ZNF48: variants seen among roughly 807,000 people sequenced by gnomAD.
The protein encoded by ZNF48 is zinc finger protein 553.
ZNF48 carries 20 observed loss-of-function variants against 40.0 expected under a neutral mutation model. The observed-to-expected ratio is 0.50, with a 90% CI of 0.35 to 0.73. The LOEUF is 0.73. Among genes scored for constraint, ZNF48 ranks in the 30% least tolerant of loss-of-function variants. The pLI is 0.01. For synonymous variants in ZNF48, 298 were observed against 329.7 expected, an observed-to-expected ratio of 0.90 and a Z score of 1.04; for missense variants, 726 against 851.9, an observed-to-expected ratio of 0.85 and a Z score of 1.84.
chr16:30,391,425 T>C (rs1330455882), upstream of ZNF48, among the ~76,000 whole-genome samples: 2 of 151,680 alleles, frequency 1.3e-5, no homozygotes, highest in African/African-American at 4.8e-5. Context: ...CCTGACCTCA[T>C]GATCCGCCCG....
chr16:30,398,266 G>T lies in ZNF48; in HGVS notation c.1016G>T (p.Gly339Val), dbSNP rs777272646. ...TACCTCTGCCCAGAGTGCGGCAAAG[G>T]TTTCGCGGACAGCTCCGCCCGAGTC... The part of the protein sequence containing the change: ...KPYLCPECGK[G>V]FADSSARVKH... Residue 339 changes from glycine (G) to valine (V), a missense_variant, in exon 3 of 3, where the codon GGT (glycine) becomes GTT (valine). By Grantham distance (109) the Gly-to-Val change is moderately radical. Around this residue, in one of 5 missense-constraint regions of ZNF48, gnomAD observed 378 missense variants for 449.1 expected, o/e 0.84. Transcript: ENST00000613509. This position sits in a 1 kb window ranked among gnomAD's most constrained non-coding sequence, Gnocchi z 6.6. 5.0e-6 allele frequency: 8 copies of T among 1,613,372 alleles called. No homozygotes were observed. The highest frequency in any genetic ancestry group is 1.1e-5 in the South Asian group (1 of 91,092).
At chr16:30,385,921 T>A (rs1597012481) in intron 1 of ZNF48, among the ~76,000 whole-genome samples, 1 of 151,150 alleles carries the variant, frequency 6.6e-6, no homozygotes. Context: ...AGGCTAGGAG[T>A]TCAAGACCAG....
In ZNF48 at chr16:30,398,440, T is replaced by TTATCCCCTACCC; in HGVS notation, c.1190_1191insTATCCCCTACCC (p.Pro399_Ser400insTyrProIlePro). The TTATCCCCTACCC allele has an allele frequency of 6.3e-7, 1 of 1,597,326 alleles. No homozygotes were observed. Among genetic ancestry groups the TTATCCCCTACCC allele is most frequent in the Non-Finnish European group, 8.5e-7 (1 of 1,169,766 alleles). On this transcript the variant is annotated inframe_insertion, in exon 3 of 3. Coordinates refer to ENST00000613509, the MANE Select transcript of ZNF48 (RefSeq NM_001214909.2). The surrounding 1 kb of genome is among the most constrained non-coding windows in gnomAD (Gnocchi z 6.6). ...TTCCCAGGCTATCCCCTACCCGCTC[T>TTATCCCCTACCC]GATCCCCAGCCCACCCCCACCTCCT...
In ZNF48 at chr16:30,398,836, G is replaced by T; in HGVS notation, c.1586G>T (p.Arg529Leu). 6.2e-7 allele frequency: 1 copy of T among 1,613,702 alleles called. No individual in the cohort carries two copies. Among genetic ancestry groups the T allele is most frequent in the Non-Finnish European group, 8.5e-7 (1 of 1,179,988 alleles). Residue 529 changes from arginine to leucine, a missense_variant, in exon 3 of 3, where the codon CGA becomes CTA. By Grantham distance (102) the Arg-to-Leu change is moderately radical. Transcript: ENST00000613509. This position sits in a 1 kb window ranked among gnomAD's most constrained non-coding sequence, Gnocchi z 6.6. ...CCTGGCCCAGTACCCATGGCCCCTC[G>T]ACCCCGAGTTCGGGCCCAGCCTTCT... ...NPPGPVPMAP[R>L]PRVRAQPSGP...
Position 30,398,441 on chromosome 16 carries a change from G to C in ZNF48, c.1191G>C (p.Leu397=), listed in dbSNP as rs145248501. 18 of 1,596,220 alleles carry C rather than the reference G, an allele frequency of 1.1e-5. No individual in the cohort carries two copies. The African/African-American group carries it at 2.4e-4, about 21-fold the overall frequency. ...FSFPGYPLPA[L]IPSPPPPPLG... Reference sequence around the variant, plus strand: ...TCCCAGGCTATCCCCTACCCGCTCTGATCCCCAGCCCACCCCCACCTCCTC... The same window carrying C: ...TCCCAGGCTATCCCCTACCCGCTCTCATCCCCAGCCCACCCCCACCTCCTC... The change falls in exon 3 of 3, where the codon CTG becomes CTC. Residue 397 remains leucine, a synonymous_variant. Transcript: ENST00000613509. This position sits in a 1 kb window ranked among gnomAD's most constrained non-coding sequence, Gnocchi z 6.6.
intron 1 of ZNF48, chr16:30,380,981 T>C: frequency 1.3e-6 from 1 of 746,082 alleles, no homozygotes; most frequent in South Asian, 1.6e-5. Context: ...TGCTGGCGGC[T>C]TACCACCCGC....
upstream of ZNF48, chr16:30,395,303 C>T (rs1288305482): frequency 2.2e-6 from 1 of 453,824 alleles, no homozygotes; most frequent in African/African-American, 2.0e-5. The surrounding 1 kb of genome is among the most constrained non-coding windows in gnomAD (Gnocchi z 5.9). Context: ...GCCCCTGGGC[C>T]GCACGCTGCC....
rs1184053301 is a variant in ZNF48 at position 30,398,766 on chromosome 16, G to GC, written c.1519dup (p.Arg507ProfsTer13). ...CCTCCGCACCCACCGTGGTGAACGG[G>GC]CCCGGCCACCACCACCATCCACTCT... On this transcript the variant is annotated frameshift_variant, in exon 3 of 3. Transcript: ENST00000613509. LOFTEE classifies it high-confidence loss of function. This position sits in a 1 kb window ranked among gnomAD's most constrained non-coding sequence, Gnocchi z 6.6. The GC allele has an allele frequency of 6.2e-7, 1 of 1,613,600 alleles. No homozygotes were observed. The highest frequency in any genetic ancestry group is 8.5e-7 in the Non-Finnish European group (1 of 1,179,994).
intron 1 of ZNF48, among the ~76,000 whole-genome samples, chr16:30,386,883 T>G (rs931025436): frequency 6.6e-6 from 1 of 151,438 alleles, no homozygotes; most frequent in Non-Finnish European, 1.5e-5. Context: ...AGGCTGGTCT[T>G]GAACTTCCGG....
chr16:30,392,540 G>GATT (rs1567431446), upstream of ZNF48, among the ~76,000 whole-genome samples: 1 of 152,182 alleles, frequency 6.6e-6, no homozygotes, highest in Non-Finnish European at 1.5e-5. Context: ...TCCAGGCAGA[G>GATT]TCTGGACTTT....
intron 1 of ZNF48, among the ~76,000 whole-genome samples, chr16:30,383,975 G>C (rs968681996): frequency 6.6e-6 from 1 of 152,198 alleles, no homozygotes; most frequent in African/African-American, 2.4e-5. Flanking sequence ...CCAGCACTTT[G>C]GGAGGCCGAG....
Position 30,382,060 on chromosome 16 carries a change from G to C in ZNF48, c.-16+3650G>C. On this transcript the variant is annotated intron_variant, in intron 1 of 2. Transcript: ENST00000528032. This position sits in a 1 kb window ranked among gnomAD's most constrained non-coding sequence, Gnocchi z 4.8. ...ACTAGGGTGTAACCTGGGGACAGGG[G>C]CTACTGCCTCAAGAGGGTGGGGAGG... 6.3e-7 allele frequency: 1 copy of C among 1,580,620 alleles called. No individual in the cohort carries two copies. Among genetic ancestry groups the C allele is most frequent in the South Asian group, 1.1e-5 (1 of 88,162 alleles).
At position 30,397,473 on chromosome 16, in the gene ZNF48, T is replaced by C. The variant is rs377666147; in HGVS notation, c.223T>C (p.Trp75Arg). ...ASLKPEGIQN[W>R]DDLWVQREGL... The stretch of plus-strand genomic sequence containing the variant: ...TCTCAAACCTGAAGGCATCCAGAAC[T>C]GGGATGACTTATGGGTCCAGAGAGA... The change falls in exon 3 of 3, where the codon TGG becomes CGG. Residue 75 changes from tryptophan to arginine, a missense_variant. This residue lies in a region of ZNF48 where 151 missense variants were observed against 162.3 expected (regional missense o/e 0.93). Coordinates refer to ENST00000613509, the MANE Select transcript of ZNF48 (RefSeq NM_001214909.2). The surrounding 1 kb of genome is among the most constrained non-coding windows in gnomAD (Gnocchi z 4.1). The C allele has an allele frequency of 6.2e-7, 1 of 1,614,002 alleles. No individual in the cohort carries two copies. The highest frequency in any genetic ancestry group is 8.5e-7 in the Non-Finnish European group (1 of 1,180,024).
At chr16:30,379,979 C>A in intron 1 of ZNF48, 1 of 1,610,074 alleles carries the variant, frequency 6.2e-7, no homozygotes, top group South Asian at 1.1e-5. Flanking sequence ...TCATCAGAGT[C>A]ACATTCGGGG....
At chr16:30,393,943 AG>A (rs1382681474), upstream of ZNF48, among the ~76,000 whole-genome samples, 1 of 150,446 alleles carries the variant, frequency 6.6e-6, no homozygotes, top group African/African-American at 2.4e-5. Context: ...GTTTCGAACT[AG>A]TGGCCTCAAG....
chr16:30,379,571 C>G, intron 1 of ZNF48: 1 of 1,505,168 alleles, frequency 6.6e-7, no homozygotes, highest in Non-Finnish European at 9.2e-7. Context: ...CATTGGCTCA[C>G]ACGGCAGAAA....
intron 1 of ZNF48, chr16:30,379,338 G>A (rs1597003415): frequency 1.4e-6 from 2 of 1,433,752 alleles, no homozygotes; most frequent in East Asian, 4.6e-5. Context: ...GGATCCCCTG[G>A]GACCAAAGCC....
At chr16:30,385,897 G>A (rs2049897242) in intron 1 of ZNF48, among the ~76,000 whole-genome samples, 1 of 151,988 alleles carries the variant, frequency 6.6e-6, no homozygotes, top group Non-Finnish European at 1.5e-5. Context: ...AGGCTGAGGT[G>A]GGAGGATTGC....
rs1417069623 is a variant in ZNF48 at position 30,399,004 on chromosome 16, C to T, written c.1754C>T (p.Ala585Val). Residue 585 changes from alanine to valine, a missense_variant, in exon 3 of 3, where the codon GCC becomes GTC. By Grantham distance (64) the Ala-to-Val change is moderately conservative. Transcript: ENST00000613509. ...ECGKGFGDSS[A>V]RIKHQRGHLV... ...GGCAAGGGTTTTGGTGACAGTTCTG[C>T]CCGCATCAAGCACCAGCGTGGGCAC... 1.9e-6 allele frequency: 3 copies of T among 1,614,002 alleles called. No individual in the cohort carries two copies. The highest frequency in any genetic ancestry group is 1.7e-5 in the Admixed American group (1 of 59,990).
Sources: allele counts gnomAD v4.1 joint callset (sites outside exome capture counted in the v4.1 genomes callset), GRCh38; gene constraint gnomAD v4.1.1; regional missense constraint gnomAD v4.1.1; non-coding constraint Gnocchi (gnomAD v3.1); transcripts MANE v1.5; gene names NCBI Gene and HGNC (gene_info 2026-07-23, HGNC 2026-07-21).